Variants in SYNE2 observed in about 807,000 individuals in gnomAD.
SYNE2 encodes nesprin-2.
Under a neutral mutation model 856.3 loss-of-function variants are expected in SYNE2, and 431 were observed. The observed-to-expected ratio is 0.50, with a 90% confidence interval of 0.47 to 0.55. SYNE2 has a LOEUF of 0.55. Ranked by LOEUF, SYNE2 falls within the 20% of genes least tolerant of loss-of-function variation. The pLI, the probability that SYNE2 is intolerant of heterozygous loss-of-function variation, is 0.00. For missense variants in SYNE2, 8,129 were observed against 8,023.2 expected (o/e 1.01, Z -0.50); for synonymous variants, 2,923 against 2,872.3 (o/e 1.02, Z -0.56).
Position 64,003,003 on chromosome 14 carries a change from C to T in SYNE2, c.4070C>T (p.Thr1357Met), listed in dbSNP as rs769845003. The T allele has an allele frequency of 2.5e-5, 40 of 1,613,942 alleles. No homozygotes were observed. The East Asian group carries it at 6.2e-4, about 25-fold the overall frequency. Residue 1357 changes from threonine (T) to methionine (M), a missense_variant, in exon 30 of 116, where the codon ACG becomes ATG. By Grantham distance (81) the Thr-to-Met change is moderately conservative. Coordinates refer to ENST00000555002, the MANE Select transcript of SYNE2 (RefSeq NM_182914.3). ...ASDTQVAQEN[T>M]LTVKNKEGEI... ...GATACACAGGTGGCACAAGAAAATA[C>T]GTTGACAGTAAAAAATAAAGAGGGA...
At chr14:63,837,769 A>C (rs1566599024) in intron 1 of SYNE2, among the ~76,000 whole-genome samples, 1 of 151,778 alleles carries the variant, frequency 6.6e-6, no homozygotes, top group Non-Finnish European at 1.5e-5. Context: ...AAATGTAAAA[A>C]TTAGCTCAGT....
chr14:63,953,907 G>A (rs189906413), intron 7 of SYNE2, among the ~76,000 whole-genome samples: 1 of 152,220 alleles, frequency 6.6e-6, no homozygotes, highest in East Asian at 1.9e-4. Context: ...GTTGTAGCAT[G>A]TGTCAGAATT....
At chr14:64,093,215 C>G in intron 60 of SYNE2, 134 bp from the exon 61 acceptor site, 1 of 986,166 alleles carries the variant, frequency 1.0e-6, no homozygotes. Context: ...TAGGCTACCA[C>G]GTCCTATTGA....
At chr14:64,010,639 C>T (rs1311003569) in intron 32 of SYNE2, among the ~76,000 whole-genome samples, 1 of 152,086 alleles carries the variant, frequency 6.6e-6, no homozygotes, top group African/African-American at 2.4e-5. Context: ...TGGTTATCAA[C>T]CAGAGTGGCA....
intron 65 of SYNE2, among the ~76,000 whole-genome samples, chr14:64,112,611 G>T (rs1442953048): frequency 3.3e-5 from 5 of 152,126 alleles, no homozygotes; most frequent in Non-Finnish European, 7.4e-5. Flanking sequence ...AATGTAAAAA[G>T]AACACACCAC....
chr14:63,938,943 C>T (rs1004392743), intron 2 of SYNE2, among the ~76,000 whole-genome samples: 3 of 127,338 alleles, frequency 2.4e-5, no homozygotes, highest in East Asian at 2.2e-4. Flanking sequence ...CGTGTGTGTG[C>T]GTGTGTGCAT....
chr14:64,004,749 G>T (rs2096783181), intron 30 of SYNE2, among the ~76,000 whole-genome samples: 1 of 152,112 alleles, frequency 6.6e-6, no homozygotes, highest in Non-Finnish European at 1.5e-5. Flanking sequence ...GTAGCCAAGT[G>T]TGCCTTTCCC....
At chr14:64,223,133 C>G (rs2098702613) in intron 112 of SYNE2, 56 bp from the exon 113 acceptor site, 3 of 1,600,152 alleles carry the variant, frequency 1.9e-6, no homozygotes, top group Non-Finnish European at 2.6e-6. Flanking sequence ...CCTCCTGTGT[C>G]CACACTCGCT....
chr14:63,821,872 C>T (rs565266928), intron 1 of SYNE2, among the ~76,000 whole-genome samples: 2 of 151,864 alleles, frequency 1.3e-5, no homozygotes, highest in South Asian at 4.2e-4. Flanking sequence ...CAAAAACTTG[C>T]AGTATCTTAG....
chr14:63,974,053 G>GA (rs1265262784), intron 11 of SYNE2, among the ~76,000 whole-genome samples: 2 of 152,178 alleles, frequency 1.3e-5, no homozygotes, highest in African/African-American at 2.4e-5. Flanking sequence ...AACATAGTGA[G>GA]ACCTTGTCTC....
chr14:63,980,373 A>C (rs1438501063), intron 14 of SYNE2, among the ~76,000 whole-genome samples: 1 of 152,206 alleles, frequency 6.6e-6, no homozygotes, highest in Non-Finnish European at 1.5e-5. Flanking sequence ...TTAAATACCT[A>C]ACTTGCCTTT....
chr14:63,837,918 C>CAAAA lies in SYNE2; in HGVS notation c.-304-14562_-304-14559dup, dbSNP rs34952817. On this transcript the variant is annotated intron_variant, in intron 1 of 23. Coordinates refer to the SYNE2 transcript ENST00000674003. The stretch of plus-strand genomic sequence containing the variant: ...TGGATGACAAAGTGAGACTCTGTTT[C>CAAAA]AAAAAAAAAAAAAAAAAAAAAAAAG... 8.6e-3 allele frequency among the ~76,000 whole-genome samples: 525 copies of CAAAA among 60,864 alleles called. 19 individuals carry two copies. The highest frequency in any genetic ancestry group is 0.018 in the South Asian group (19 of 1,038). 39.9% of individuals were successfully genotyped at this position (60,864 alleles called of 152,430 possible).
chr14:63,907,304 T>A (rs137869614), intron 1 of SYNE2, among the ~76,000 whole-genome samples: 1 of 152,312 alleles, frequency 6.6e-6, no homozygotes, highest in African/African-American at 2.4e-5. Context: ...TATGGCAAAC[T>A]CTCACTCACC....
intron 1 of SYNE2, among the ~76,000 whole-genome samples, chr14:63,813,676 C>A (rs377223233): frequency 4.6e-5 from 7 of 151,872 alleles, no homozygotes; most frequent in African/African-American, 1.7e-4. Flanking sequence ...GTAATCCCAA[C>A]ACTTTGGGAG....
intron 1 of SYNE2, among the ~76,000 whole-genome samples, chr14:63,786,738 G>A (rs1489738316): frequency 6.6e-6 from 1 of 151,998 alleles, no homozygotes; most frequent in Admixed American, 6.6e-5. Context: ...ATTTTGCCTA[G>A]ATTTAATAAT....
chr14:63,921,916 A>C (rs1310312994), intron 2 of SYNE2, among the ~76,000 whole-genome samples: 1 of 152,232 alleles, frequency 6.6e-6, no homozygotes, highest in Non-Finnish European at 1.5e-5. Flanking sequence ...ATTTTGAATC[A>C]GACACATCTG....
chr14:64,219,608 T>A (rs1157153291), intron 110 of SYNE2, among the ~76,000 whole-genome samples, 198 bp downstream of exon 110: 1 of 152,198 alleles, frequency 6.6e-6, no homozygotes, highest in East Asian at 1.9e-4. Flanking sequence ...TGGAAGAGTA[T>A]CTGCAAATGA....
chr14:63,858,101 A>G (rs1481319496), intron 1 of SYNE2, among the ~76,000 whole-genome samples: 1 of 151,432 alleles, frequency 6.6e-6, no homozygotes, highest in Non-Finnish European at 1.5e-5. Flanking sequence ...GAGCTGTTTT[A>G]TTATTTTTAT....
intron 96 of SYNE2, among the ~76,000 whole-genome samples, chr14:64,181,100 C>CTT (rs145471636): frequency 1.3e-5 from 2 of 149,766 alleles, no homozygotes; most frequent in African/African-American, 4.9e-5. Flanking sequence ...TTTTAATATA[C>CTT]TTTTTTTTTT....
Sources: allele counts gnomAD v4.1 joint callset (sites outside exome capture counted in the v4.1 genomes callset), GRCh38; gene constraint gnomAD v4.1.1; transcripts MANE v1.5; gene names NCBI Gene and HGNC (gene_info 2026-07-23, HGNC 2026-07-21).